Variants in NRXN1 observed in about 807,000 individuals in gnomAD.
NRXN1 encodes neurexin 1.
Under a neutral mutation model 150.9 loss-of-function variants are expected in NRXN1, and 39 were observed. The ratio of observed to expected loss-of-function variants is 0.26; its 90% CI spans 0.20 to 0.34. The LOEUF is 0.34. Ranked by LOEUF, NRXN1 falls within the 10% of genes least tolerant of loss-of-function variation. The pLI, the probability that NRXN1 is intolerant of heterozygous loss-of-function variation, is 1.00. For synonymous variants in NRXN1, 924 were observed against 757.0 expected (o/e 1.22, Z -3.62); for missense variants, 1,815 against 1,949.9 (o/e 0.93, Z 1.30).
chr2:50,174,131 A>G (rs867605929), intron 18 of NRXN1, among the ~76,000 whole-genome samples: 1 of 152,192 alleles, frequency 6.6e-6, no homozygotes, highest in Admixed American at 6.5e-5. Flanking sequence ...TCATCACCTC[A>G]GAAAACCTGT....
chr2:50,107,188 A>G (rs1701766207), intron 18 of NRXN1, among the ~76,000 whole-genome samples: 1 of 151,178 alleles, frequency 6.6e-6, no homozygotes, highest in African/African-American at 2.4e-5. Flanking sequence ...GAATTTATCT[A>G]TTTCTGAGCA....
At chr2:50,270,223 G>A (rs1024221526) in intron 17 of NRXN1, among the ~76,000 whole-genome samples, 8 of 152,122 alleles carry the variant, frequency 5.3e-5, no homozygotes, top group African/African-American at 1.9e-4. Flanking sequence ...TGGTCACCAT[G>A]AGCCTCTTAT....
At chr2:50,026,299 A>G (rs564253593) in intron 21 of NRXN1, among the ~76,000 whole-genome samples, 2 of 152,320 alleles carry the variant, frequency 1.3e-5, no homozygotes, top group Non-Finnish European at 2.9e-5. Context: ...TTTCTTTAGC[A>G]ACTTTGGCCC....
intron 5 of NRXN1, among the ~76,000 whole-genome samples, chr2:50,838,118 T>C (rs1672362550): frequency 6.6e-6 from 1 of 152,174 alleles, no homozygotes; most frequent in Non-Finnish European, 1.5e-5. Flanking sequence ...CATTGTCTAC[T>C]GCAAGCTACT....
chr2:50,672,085 G>A (rs1688935331), intron 5 of NRXN1, among the ~76,000 whole-genome samples: 1 of 151,720 alleles, frequency 6.6e-6, no homozygotes, highest in South Asian at 2.1e-4. Flanking sequence ...AATATTTAAC[G>A]ATTGCTAAAT....
At chr2:50,837,405 T>A (rs1406953090) in intron 5 of NRXN1, among the ~76,000 whole-genome samples, 3 of 152,116 alleles carry the variant, frequency 2.0e-5, no homozygotes, top group Non-Finnish European at 2.9e-5. Flanking sequence ...CAGATGAGAA[T>A]GGGTTAGAAT....
chr2:50,673,134 A>C (rs1425273027), intron 5 of NRXN1, among the ~76,000 whole-genome samples: 1 of 152,100 alleles, frequency 6.6e-6, no homozygotes, highest in Admixed American at 6.6e-5. Flanking sequence ...AAAGTAGTTT[A>C]GAGAAGATGC....
At chr2:50,570,928 T>C (rs115713959) in intron 8 of NRXN1, among the ~76,000 whole-genome samples, 10 of 152,266 alleles carry the variant, frequency 6.6e-5, no homozygotes, top group African/African-American at 1.7e-4. Context: ...GCTAGATAGA[T>C]GTAAATTTTC....
intron 18 of NRXN1, among the ~76,000 whole-genome samples, chr2:50,162,913 T>C (rs1370227072): frequency 6.6e-6 from 1 of 151,900 alleles, no homozygotes; most frequent in African/African-American, 2.4e-5. Flanking sequence ...GTTAAAAATG[T>C]CAACTACTAA....
intron 5 of NRXN1, among the ~76,000 whole-genome samples, chr2:50,845,382 T>C (rs1673486435): frequency 1.3e-5 from 2 of 152,206 alleles, no homozygotes; most frequent in Non-Finnish European, 2.9e-5. Flanking sequence ...TCTTATCTGG[T>C]AGATGTTATC....
At chr2:49,926,488 C>T (rs1195839370) in intron 22 of NRXN1, 1 of 396,400 alleles carries the variant, frequency 2.5e-6, no homozygotes, top group Admixed American at 4.4e-5. Context: ...AATGTTTGGA[C>T]AGTTAGTAAC....
chr2:50,576,080 T>C (rs1411436235), intron 8 of NRXN1, among the ~76,000 whole-genome samples: 1 of 152,180 alleles, frequency 6.6e-6, no homozygotes, highest in Non-Finnish European at 1.5e-5. Context: ...TACTAGTATT[T>C]ACCAGTGCAT....
At chr2:50,744,679 A>AG (rs1699810801) in intron 5 of NRXN1, among the ~76,000 whole-genome samples, 1 of 152,140 alleles carries the variant, frequency 6.6e-6, no homozygotes, top group Non-Finnish European at 1.5e-5. Flanking sequence ...AAATCCAAGT[A>AG]GAGAGATATT....
chr2:50,790,488 G>T (rs949396198), intron 5 of NRXN1, among the ~76,000 whole-genome samples: 1 of 152,216 alleles, frequency 6.6e-6, no homozygotes, highest in Admixed American at 6.5e-5. Context: ...AGGTGTGGTG[G>T]CAGGTACCTG....
chr2:50,620,908 G>T, intron 7 of NRXN1: 2 of 166,192 alleles, frequency 1.2e-5, no homozygotes, highest in South Asian at 4.1e-4. Flanking sequence ...AATGGTTAGA[G>T]ACTGGCTGAG....
intron 5 of NRXN1, among the ~76,000 whole-genome samples, chr2:50,888,045 C>T (rs1680519623): frequency 6.6e-6 from 1 of 150,810 alleles, no homozygotes; most frequent in South Asian, 2.1e-4. Flanking sequence ...CTATTGGTCA[C>T]CATTTCTACA....
chr2:50,765,573 G>A (rs1384633328), intron 5 of NRXN1, among the ~76,000 whole-genome samples: 1 of 152,036 alleles, frequency 6.6e-6, no homozygotes, highest in East Asian at 1.9e-4. Context: ...TCCAGGGACA[G>A]GGAAACTGAA....
intron 5 of NRXN1, among the ~76,000 whole-genome samples, chr2:50,659,954 A>G (rs1378903499): frequency 1.3e-5 from 2 of 152,042 alleles, no homozygotes; most frequent in Non-Finnish European, 2.9e-5. Flanking sequence ...ATTAAAAAAC[A>G]GATTTATCAT....
chr2:49,941,193 G>A (rs554899450), intron 22 of NRXN1, among the ~76,000 whole-genome samples: 32 of 151,906 alleles, frequency 2.1e-4, no homozygotes, highest in African/African-American at 7.0e-4. Context: ...AAACAAATAC[G>A]TAAACATGAT....
Sources: gnomAD v4.1 joint callset for allele counts (sites outside exome capture counted in the v4.1 genomes callset) on GRCh38, gnomAD v4.1.1 for gene constraint, MANE v1.5 for transcripts, NCBI Gene and HGNC (gene_info 2026-07-23, HGNC 2026-07-21) for gene names.